Variants in BARD1 observed in about 807,000 individuals in gnomAD.
BARD1 encodes the protein BRCA1 associated RING domain 1.
A neutral mutation model predicts 77.0 loss-of-function variants in BARD1; 73 were observed. The ratio of observed to expected loss-of-function variants is 0.95; its 90% confidence interval spans 0.79 to 1.15. The LOEUF (loss-of-function observed/expected upper bound fraction) is 1.15. BARD1 is among the 50% of genes most tolerant of loss of function. The probability of loss-of-function intolerance (pLI) is 0.00; values close to 1 mark genes in which losing one functional copy is unlikely to be tolerated. For missense variants in BARD1, 993 were observed against 938.8 expected, an observed-to-expected ratio of 1.06 and a Z score of -0.75; for synonymous variants, 384 against 338.0, an observed-to-expected ratio of 1.14 and a Z score of -1.49.
chr2:214,798,157 C>T (rs1177712588), intron 1 of BARD1, among the ~76,000 whole-genome samples: 1 of 152,132 alleles, frequency 6.6e-6, no homozygotes, highest in Non-Finnish European at 1.5e-5. Context: ...AAGTATCACA[C>T]TGCACATCTT....
chr2:214,808,886 G>A (rs1696412143), intron 1 of BARD1, among the ~76,000 whole-genome samples: 1 of 152,226 alleles, frequency 6.6e-6, no homozygotes, highest in Non-Finnish European at 1.5e-5. Context: ...AACTATGGTA[G>A]ATATCCGATG....
intron 3 of BARD1, among the ~76,000 whole-genome samples, chr2:214,782,742 A>C (rs1176093297): frequency 1.3e-5 from 2 of 152,180 alleles, no homozygotes; most frequent in African/African-American, 4.8e-5. Context: ...AAATGATGTA[A>C]AGGAAACAGT....
chr2:214,793,656 C>T (rs1459769288), intron 2 of BARD1, among the ~76,000 whole-genome samples: 1 of 152,162 alleles, frequency 6.6e-6, no homozygotes, highest in Non-Finnish European at 1.5e-5. Flanking sequence ...ATTTAAGTTA[C>T]TTGTCCAGCA....
chr2:214,772,510 G>A (rs1694551408), intron 4 of BARD1, among the ~76,000 whole-genome samples: 1 of 152,064 alleles, frequency 6.6e-6, no homozygotes, highest in African/African-American at 2.4e-5. Flanking sequence ...AAATGGAAGA[G>A]TCTCAAGGGA....
intron 9 of BARD1, among the ~76,000 whole-genome samples, chr2:214,740,643 A>T (rs185320191): frequency 4.6e-5 from 7 of 152,184 alleles, no homozygotes; most frequent in Non-Finnish European, 8.8e-5. Context: ...TATTAAAAAT[A>T]TGCATTTTTT....
At chr2:214,782,618 T>C (rs1311565958) in intron 3 of BARD1, among the ~76,000 whole-genome samples, 3 of 152,114 alleles carry the variant, frequency 2.0e-5, no homozygotes, top group African/African-American at 2.4e-5. Flanking sequence ...ATTGTCTCTA[T>C]GTACACAAAG....
chr2:214,788,841 G>C (rs912352240), intron 3 of BARD1, among the ~76,000 whole-genome samples: 3 of 151,950 alleles, frequency 2.0e-5, no homozygotes, highest in Admixed American at 6.6e-5. Context: ...TAACCTTTTA[G>C]TTCTAGAAGT....
chr2:214,791,273 G>GT (rs1278491171), intron 3 of BARD1, among the ~76,000 whole-genome samples: 2 of 152,290 alleles, frequency 1.3e-5, no homozygotes, highest in East Asian at 1.9e-4. Context: ...TGGACCTGTG[G>GT]TAAGACTCAA....
chr2:214,783,171 C>T (rs1406148319), intron 3 of BARD1, among the ~76,000 whole-genome samples: 1 of 152,054 alleles, frequency 6.6e-6, no homozygotes, highest in East Asian at 1.9e-4. Flanking sequence ...GTTTTGCATT[C>T]CATGAATACT....
chr2:214,797,132 T>C lies in BARD1; in HGVS notation c.159-15A>G. ...GAATGTTAGTACTGTTTGAAGAAAT[T>C]AAAACAATCAAGATTTGAGTCATTG... is the stretch of plus-strand genomic sequence containing the variant. On this transcript the variant is annotated splice_polypyrimidine_tract_variant and intron_variant, in intron 1 of 10. Coordinates refer to ENST00000260947, the MANE Select transcript of BARD1 (RefSeq NM_000465.4). 2 of 1,607,752 alleles carry C rather than the reference T, an allele frequency of 1.2e-6. No homozygotes were observed. Among genetic ancestry groups the C allele is most frequent in the Non-Finnish European group, 8.5e-7 (1 of 1,174,438 alleles).
chr2:214,745,902 G>T, intron 7 of BARD1, 48 bp from the exon 8 acceptor site: 1 of 1,599,656 alleles, frequency 6.3e-7, no homozygotes, highest in Non-Finnish European at 8.6e-7. Flanking sequence ...TAGACGACTA[G>T]ACAAAGACAT....
chr2:214,745,248 A>T, intron 8 of BARD1, 89 bp from the exon 9 acceptor site: 3 of 1,170,742 alleles, frequency 2.6e-6, no homozygotes, highest in Admixed American at 1.9e-5. Flanking sequence ...TATATTTTGT[A>T]AGCTTATATC....
In BARD1 at chr2:214,769,240, T is replaced by C; in HGVS notation, c.1387A>G (p.Thr463Ala). 2 of 1,611,604 alleles carry C rather than the reference T, an allele frequency of 1.2e-6. No individual in the cohort carries two copies. Among genetic ancestry groups the C allele is most frequent in the Non-Finnish European group, 8.5e-7 (1 of 1,177,744 alleles). ...DPNVKDHAGW[T>A]PLHEACNHGH... ...AAAAACCAGACAACTACCAATGGTG[T>C]CCATCCAGCATGGTCTTTAACATTT... The change falls in exon 5 of 11, where the codon ACA becomes GCA. Residue 463 changes from threonine (T) to alanine (A), a missense_variant. Physicochemically the swap from Thr to Ala is moderately conservative, Grantham distance 58. Transcript: ENST00000260947.
chr2:214,780,276 T>C (rs533747757), intron 4 of BARD1, among the ~76,000 whole-genome samples: 1 of 152,168 alleles, frequency 6.6e-6, no homozygotes, highest in South Asian at 2.1e-4. Flanking sequence ...TGATAAAAAC[T>C]GAAGGTAAAA....
At chr2:214,788,630 ATG>A (rs1374322632) in intron 3 of BARD1, among the ~76,000 whole-genome samples, 1 of 152,104 alleles carries the variant, frequency 6.6e-6, no homozygotes, top group Admixed American at 6.6e-5. Flanking sequence ...AATGTGAGAG[ATG>A]TTCACCATTC....
At position 214,781,319 on chromosome 2, in the gene BARD1, T is replaced by G. The variant is rs1464416891; in HGVS notation, c.555A>C (p.Pro185=). 6.2e-7 allele frequency: 1 copy of G among 1,612,870 alleles called. No homozygotes were observed. Among genetic ancestry groups the G allele is most frequent in the Non-Finnish European group, 8.5e-7 (1 of 1,179,768 alleles). Residue 185 remains proline (P), a synonymous_variant, in exon 4 of 11, where the codon CCA becomes CCC. Coordinates refer to ENST00000260947, the MANE Select transcript of BARD1 (RefSeq NM_000465.4). ...AQQDSYEFVS[P]SPPADVSERA... ...TCTCAGAAACATCTGCAGGAGGACT[T>G]GGGGAAACAAATTCATATGAGTCTT...
At chr2:214,752,298 T>C in intron 7 of BARD1, 149 bp downstream of exon 7, 2 of 663,574 alleles carry the variant, frequency 3.0e-6, no homozygotes, top group South Asian at 3.5e-5. Flanking sequence ...ATTATGTCTT[T>C]GAATCCACAG....
chr2:214,751,117 GTATATA>G (rs1216095030), intron 7 of BARD1, among the ~76,000 whole-genome samples: 38 of 16,276 alleles, frequency 2.3e-3, no homozygotes, highest in Middle Eastern at 0.036. Flanking sequence ...GTGTGTGTGT[GTATATA>G]TATATATATA....
chr2:214,736,320 T>C (rs1362980330), intron 9 of BARD1, among the ~76,000 whole-genome samples: 10 of 152,104 alleles, frequency 6.6e-5, no homozygotes, highest in Non-Finnish European at 1.3e-4. Context: ...CCATCAGGAA[T>C]CCAGTGAAAT....
Sources: allele counts gnomAD v4.1 joint callset (sites outside exome capture counted in the v4.1 genomes callset), GRCh38; gene constraint gnomAD v4.1.1; transcripts MANE v1.5; gene names NCBI Gene and HGNC (gene_info 2026-07-23, HGNC 2026-07-21).